The following MYCBP2 variants were observed in gnomAD, a reference collection of about 807,000 sequenced individuals.
MYCBP2 encodes the protein MYC binding protein 2.
MYCBP2 carries 120 observed loss-of-function variants against 525.3 expected under a neutral mutation model. That is an observed-to-expected ratio of 0.23 (90% CI 0.20 to 0.27). The LOEUF (loss-of-function observed/expected upper bound fraction) is 0.27. Among genes scored for constraint, MYCBP2 ranks in the 10% least tolerant of loss-of-function variants. The pLI, the probability that MYCBP2 is intolerant of heterozygous loss-of-function variation, is 1.00. For synonymous variants in MYCBP2, 1,894 were observed against 1,955.8 expected, an observed-to-expected ratio of 0.97 and a Z score of 0.83; for missense variants, 4,149 against 5,657.1, an observed-to-expected ratio of 0.73 and a Z score of 8.55.
rs550899083 is a variant in MYCBP2 at position 77,264,720 on chromosome 13, T to C, written c.1358-718A>G. ...GATCAAAATAATGCACAAGCTCAAT[T>C]GTAACAAGGGATACCAGTATTACAG... On this transcript the variant is annotated intron_variant, in intron 8 of 82. Transcript: ENST00000544440. Among the ~76,000 whole-genome samples, 71 of 152,244 alleles carry C rather than the reference T, an allele frequency of 4.7e-4. 1 individual carries two copies. Among genetic ancestry groups the C allele is most frequent in the Admixed American group, 4.2e-3 (64 of 15,264 alleles).
At chr13:77,323,826 A>G (rs2081981540) in intron 1 of MYCBP2, among the ~76,000 whole-genome samples, 1 of 152,142 alleles carries the variant, frequency 6.6e-6, no homozygotes. Flanking sequence ...CAGTCTTTAT[A>G]TTTACAAGTA....
intron 52 of MYCBP2, among the ~76,000 whole-genome samples, chr13:77,130,011 G>T (rs555017660): frequency 6.6e-6 from 1 of 151,718 alleles, no homozygotes; most frequent in Admixed American, 6.6e-5. Context: ...TCACAGAAAC[G>T]TTATCCTAGA....
Position 77,081,349 on chromosome 13 carries a change from TA to T in MYCBP2, c.11418+77del. On this transcript the variant is annotated intron_variant, in intron 65 of 82. Transcript: ENST00000544440. The surrounding 1 kb of genome is among the most constrained non-coding windows in gnomAD (Gnocchi z 4.6). ...AATTCCAGGTGATAAAGCTTGTTGCTAAATTCAGAAATGAAAGTGCATGAAT... is the reference window on the plus strand; with the variant it reads ...AATTCCAGGTGATAAAGCTTGTTGCTAATTCAGAAATGAAAGTGCATGAAT... The T allele has an allele frequency of 8.0e-7, 1 of 1,246,628 alleles. No individual in the cohort carries two copies. Among genetic ancestry groups the T allele is most frequent in the South Asian group, 1.4e-5 (1 of 71,642 alleles). The allele number at this position is 1,246,628 out of a possible 1,614,324, so 77.2% of individuals were successfully genotyped here.
intron 26 of MYCBP2, among the ~76,000 whole-genome samples, chr13:77,195,462 T>C (rs2061669055): frequency 6.6e-6 from 1 of 152,148 alleles, no homozygotes. Context: ...CTGGGCGTGG[T>C]GGCACATGCC....
chr13:77,303,258 G>A (rs1370024569), intron 1 of MYCBP2, among the ~76,000 whole-genome samples: 1 of 152,196 alleles, frequency 6.6e-6, no homozygotes, highest in African/African-American at 2.4e-5. Context: ...GCTTGAACCC[G>A]AGAGGTGGCG....
chr13:77,121,830 G>A (rs1215802271), intron 54 of MYCBP2, among the ~76,000 whole-genome samples: 2 of 151,892 alleles, frequency 1.3e-5, no homozygotes, highest in East Asian at 1.9e-4. Flanking sequence ...ATTTATACAA[G>A]AGTATTTTGC....
chr13:77,120,755 C>T (rs924837171), intron 55 of MYCBP2, among the ~76,000 whole-genome samples: 2 of 152,096 alleles, frequency 1.3e-5, no homozygotes, highest in African/African-American at 4.8e-5. Flanking sequence ...GTCCATGATG[C>T]TGGTCTCTTC....
At chr13:77,139,433 A>G in intron 51 of MYCBP2, 97 bp from the exon 52 acceptor site, 1 of 1,327,030 alleles carries the variant, frequency 7.5e-7, no homozygotes, top group Non-Finnish European at 1.0e-6. Context: ...ATGATGGTGC[A>G]TGTGCAGATT....
At chr13:77,090,516 G>T in intron 59 of MYCBP2, 1 of 269,178 alleles carries the variant, frequency 3.7e-6, no homozygotes, top group Non-Finnish European at 6.9e-6. Context: ...AAAGAAGAAA[G>T]GTTTCCAAGC....
Position 77,058,086 on chromosome 13 carries a change from T to G in MYCBP2, c.13329+132A>C, listed in dbSNP as rs111669948. The G allele has an allele frequency of 5.9e-3, 5,351 of 911,498 alleles. 207 individuals carry two copies. The African/African-American group carries it at 0.08, about 14-fold the overall frequency. The allele number at this position is 911,498 out of a possible 1,614,324, so 56.5% of individuals were successfully genotyped here. Reference sequence around the variant, plus strand: ...CGATCTCCTGACCTCGTGATCCACCTGCCTCGGCCTCCCAAAGTGCTGGGA... The same window carrying G: ...CGATCTCCTGACCTCGTGATCCACCGGCCTCGGCCTCCCAAAGTGCTGGGA... On this transcript the variant is annotated intron_variant, in intron 78 of 82. Transcript: ENST00000544440. The surrounding 1 kb of genome is among the most constrained non-coding windows in gnomAD (Gnocchi z 4.1).
chr13:77,098,878 C>A lies in MYCBP2; in HGVS notation c.8276G>T (p.Arg2759Met). ...SRTTADQKKPRGTESLSASES... is the reference protein window; with the variant it reads ...SRTTADQKKPMGTESLSASES... ...ACTAGCAGATAAACTTTCTGTGCCC[C>A]TTGGCTTCTTCTGATCAGCAGTAGT... The change falls in exon 56 of 83, where the codon AGG becomes ATG. Residue 2759 changes from arginine (R) to methionine (M), a missense_variant. Arg to Met is a moderately conservative substitution (Grantham distance 91, BLOSUM62 -1). Coordinates refer to ENST00000544440, the MANE Select transcript of MYCBP2 (RefSeq NM_015057.5). 2 of 1,613,656 alleles carry A rather than the reference C, an allele frequency of 1.2e-6. No individual in the cohort carries two copies. Among genetic ancestry groups the A allele is most frequent in the Non-Finnish European group, 8.5e-7 (1 of 1,179,746 alleles).
In MYCBP2 at chr13:77,181,885, C is replaced by A; in HGVS notation, c.4757G>T (p.Arg1586Leu). 6.2e-7 allele frequency: 1 copy of A among 1,613,860 alleles called. No individual in the cohort carries two copies. Among genetic ancestry groups the A allele is most frequent in the South Asian group, 1.1e-5 (1 of 91,052 alleles). ...QEANFKTSSS[R>L]LLAAVMSALC... ...AGCTGACATAACAGCTGCAAGGAGT[C>A]GGCTACTTGATGTCTTGAAGTTTGC... The change falls in exon 33 of 83, where the codon CGA (arginine) becomes CTA (leucine). Residue 1586 changes from arginine (R) to leucine (L), a missense_variant. By Grantham distance (102) the Arg-to-Leu change is moderately radical. Around this residue, in one of 21 missense-constraint regions of MYCBP2, gnomAD observed 292 missense variants for 330.5 expected, o/e 0.88. Transcript: ENST00000544440.
At chr13:77,286,159 C>T (rs928781249) in intron 3 of MYCBP2, among the ~76,000 whole-genome samples, 6 of 152,072 alleles carry the variant, frequency 3.9e-5, no homozygotes, top group African/African-American at 1.4e-4. Flanking sequence ...TTAGGAACAG[C>T]CACCATAAAA....
intron 18 of MYCBP2, among the ~76,000 whole-genome samples, chr13:77,227,463 TAC>T (rs1231980266): frequency 2.8e-4 from 33 of 118,484 alleles, no homozygotes; most frequent in Admixed American, 4.8e-4. Context: ...TGCAAAAGCC[TAC>T]ACACACACAC....
chr13:77,240,056 TTA>T (rs2068576061), intron 17 of MYCBP2, among the ~76,000 whole-genome samples: 1 of 152,332 alleles, frequency 6.6e-6, no homozygotes, highest in Non-Finnish European at 1.5e-5. Flanking sequence ...CTTTCTTGTT[TTA>T]TCTCTATGGA....
At chr13:77,097,264 T>C in intron 56 of MYCBP2, 106 bp downstream of exon 56, 1 of 1,435,122 alleles carries the variant, frequency 7.0e-7, no homozygotes. Flanking sequence ...TCTAAGATAC[T>C]ATAAATTCCC....
intron 1 of MYCBP2, among the ~76,000 whole-genome samples, chr13:77,302,995 A>C (rs996792489): frequency 1.4e-4 from 21 of 152,254 alleles, no homozygotes; most frequent in African/African-American, 5.1e-4. Context: ...TGTAACTGAT[A>C]GAACAAGTAG....
intron 14 of MYCBP2, among the ~76,000 whole-genome samples, chr13:77,253,193 T>A (rs912691443): frequency 6.6e-6 from 1 of 151,940 alleles, no homozygotes; most frequent in Non-Finnish European, 1.5e-5. Context: ...TTTGAAGAGA[T>A]GTTCAAACTC....
intron 3 of MYCBP2, 117 bp from the exon 4 acceptor site, chr13:77,279,028 A>C: frequency 1.7e-6 from 1 of 580,656 alleles, no homozygotes; most frequent in Non-Finnish European, 2.6e-6. Flanking sequence ...TGTATAATGG[A>C]GCCATAATAA....
Sources: allele counts gnomAD v4.1 joint callset (sites outside exome capture counted in the v4.1 genomes callset), GRCh38; gene constraint gnomAD v4.1.1; regional missense constraint gnomAD v4.1.1; non-coding constraint Gnocchi (gnomAD v3.1); transcripts MANE v1.5; gene names NCBI Gene and HGNC (gene_info 2026-07-23, HGNC 2026-07-21).